Variants in EVL observed in about 807,000 individuals in gnomAD.
EVL encodes Enah/Vasp-like.
Under a neutral mutation model 59.6 loss-of-function variants are expected in EVL, and 21 were observed. The observed-to-expected ratio is 0.35, with a 90% CI of 0.25 to 0.51. The LOEUF (loss-of-function observed/expected upper bound fraction) is 0.51. Ranked by LOEUF, EVL falls within the 20% of genes least tolerant of loss-of-function variation. EVL has a pLI of 0.97. For missense variants in EVL, 462 were observed against 546.6 expected (o/e 0.85, Z 1.54); for synonymous variants, 198 against 203.5 (o/e 0.97, Z 0.23).
At position 100,135,989 on chromosome 14, in the gene EVL, G is replaced by T. The variant is rs544216162; in HGVS notation, c.964+21G>T. ...CTCAGGTGAGAGGGCGCCCCCCGCT[G>T]ACCCCAGTGAGGCATGAGGTCTCAG... is the stretch of plus-strand genomic sequence containing the variant. On this transcript the variant is annotated intron_variant, in intron 9 of 13. Coordinates refer to ENST00000392920, the MANE Select transcript of EVL (RefSeq NM_016337.3). 6.2e-6 allele frequency: 10 copies of T among 1,613,000 alleles called. No homozygotes were observed. The East Asian group carries it at 2.2e-4, about 36-fold the overall frequency.
chr14:100,128,395 T>C (rs1046291733), intron 5 of EVL, 124 bp from the exon 6 acceptor site: 5 of 939,404 alleles, frequency 5.3e-6, no homozygotes, highest in Non-Finnish European at 8.8e-6. Context: ...GGCCTGGAGC[T>C]GTTTCTCATC....
chr14:100,069,907 A>G (rs1134713), intron 1 of EVL, among the ~76,000 whole-genome samples: 1,927 of 152,132 alleles, frequency 0.013, 50 homozygotes, highest in African/African-American at 0.044. Context: ...GAGGTCTGGT[A>G]TCACTATTGC....
At chr14:100,106,804 C>T (rs1220132860) in intron 3 of EVL, 1 of 398,610 alleles carries the variant, frequency 2.5e-6, no homozygotes, top group East Asian at 3.6e-5. Flanking sequence ...GGAGATAGCA[C>T]AGTGTCTGTC....
chr14:100,137,499 G>A lies in EVL; in HGVS notation c.965-79G>A, dbSNP rs541655726. ...CCCTTGGCATGGGTGAGGGCTTCCT[G>A]TTGGGGTGTTTAGGGGATTGGGGTG... is the stretch of plus-strand genomic sequence containing the variant. On this transcript the variant is annotated intron_variant, in intron 9 of 13. Transcript: ENST00000392920. 9,840 of 1,477,278 alleles carry A rather than the reference G, an allele frequency of 6.7e-3. 46 individuals carry two copies. Among genetic ancestry groups the A allele is most frequent in the Middle Eastern group, 0.015 (85 of 5,842 alleles). The allele number at this position is 1,477,278 out of a possible 1,614,324, so 91.5% of individuals were successfully genotyped here. A position where few individuals can be genotyped will look rare whatever the true frequency, so the allele number is the denominator to read the frequency against.
intron 1 of EVL, among the ~76,000 whole-genome samples, 198 bp downstream of exon 1, chr14:100,065,709 T>A (rs1031056833): frequency 6.6e-6 from 1 of 152,284 alleles, no homozygotes; most frequent in East Asian, 1.9e-4. Flanking sequence ...CGCTGGTCTT[T>A]CCATTACACA....
rs772116907 is a variant in EVL at position 100,097,614 on chromosome 14, A to G, written c.314A>G (p.Asn105Ser). 16 of 1,613,992 alleles carry G rather than the reference A, an allele frequency of 9.9e-6. No individual in the cohort carries two copies. The highest frequency in any genetic ancestry group is 4.4e-5 in the South Asian group (4 of 91,076). Residue 105 changes from asparagine to serine, a missense_variant, in exon 3 of 14, where the codon AAT becomes AGT. Coordinates refer to ENST00000392920, the MANE Select transcript of EVL (RefSeq NM_016337.3). ...AAAGAAGAGGCAACCACGTTCTCCA[A>G]TGCAATGCTGTTTGCCCTGAACATC... ...ASKEEATTFS[N>S]AMLFALNIMN...
intron 1 of EVL, among the ~76,000 whole-genome samples, chr14:100,049,578 C>G (rs2061612614): frequency 6.6e-6 from 1 of 152,086 alleles, no homozygotes; most frequent in South Asian, 2.1e-4. Context: ...ACTTCATAAC[C>G]CAGTTGGAAG....
chr14:100,038,083 A>G (rs2061413461), intron 1 of EVL, among the ~76,000 whole-genome samples: 1 of 152,186 alleles, frequency 6.6e-6, no homozygotes, highest in Non-Finnish European at 1.5e-5. Flanking sequence ...GTGAGGGGAA[A>G]GTGTAGACTA....
At position 100,109,256 on chromosome 14, in the gene EVL, G is replaced by A. The variant is rs1249087136; in HGVS notation, c.358+11598G>A. 1.3e-5 allele frequency among the ~76,000 whole-genome samples: 2 copies of A among 152,310 alleles called. No homozygotes were observed. The highest frequency in any genetic ancestry group is 1.9e-4 in the East Asian group (1 of 5,172). ...CTTCAGTCTGTCCTCCCTGGGCTGCGTCTAAAGGGGCCCCGCCCCTGCCCT... is the reference window on the plus strand; with the variant it reads ...CTTCAGTCTGTCCTCCCTGGGCTGCATCTAAAGGGGCCCCGCCCCTGCCCT... On this transcript the variant is annotated intron_variant, in intron 3 of 13. Coordinates refer to ENST00000392920, the MANE Select transcript of EVL (RefSeq NM_016337.3). The surrounding 1 kb of genome is among the most constrained non-coding windows in gnomAD (Gnocchi z 4.3).
chr14:100,020,298 A>C (rs2061098467), intron 1 of EVL, among the ~76,000 whole-genome samples: 1 of 152,116 alleles, frequency 6.6e-6, no homozygotes, highest in African/African-American at 2.4e-5. Context: ...TCTTTTGTGA[A>C]TCTTACTCCC....
chr14:100,091,898 G>A (rs1291078366), intron 2 of EVL, among the ~76,000 whole-genome samples: 1 of 152,134 alleles, frequency 6.6e-6, no homozygotes, highest in Non-Finnish European at 1.5e-5. Flanking sequence ...GACACTTGAC[G>A]TCTACTTGAG....
chr14:100,038,680 C>A (rs1055400603), intron 1 of EVL, among the ~76,000 whole-genome samples: 3 of 152,082 alleles, frequency 2.0e-5, no homozygotes, highest in Non-Finnish European at 4.4e-5. Context: ...TCACTGATAT[C>A]CCTCAACTCT....
At chr14:99,988,879 T>C (rs972426975) in intron 1 of EVL, among the ~76,000 whole-genome samples, 3 of 152,150 alleles carry the variant, frequency 2.0e-5, no homozygotes, top group African/African-American at 7.2e-5. Flanking sequence ...AGAGACAGAA[T>C]GTAGATTAGT....
At chr14:100,124,565 G>A (rs1012449247) in intron 4 of EVL, among the ~76,000 whole-genome samples, 6 of 152,152 alleles carry the variant, frequency 3.9e-5, no homozygotes, top group Non-Finnish European at 7.3e-5. Context: ...AGCTGAAGCC[G>A]AGAATGGAAG....
intron 3 of EVL, among the ~76,000 whole-genome samples, chr14:100,105,074 A>G (rs1352198369): frequency 6.6e-6 from 1 of 151,942 alleles, no homozygotes; most frequent in Non-Finnish European, 1.5e-5. Context: ...TGCTCCATCT[A>G]CTGCCTCCTG....
At chr14:100,053,906 C>T (rs1027928257) in intron 1 of EVL, among the ~76,000 whole-genome samples, 13 of 152,208 alleles carry the variant, frequency 8.5e-5, no homozygotes, top group African/African-American at 2.9e-4. Context: ...CTCAGCCTCC[C>T]AAAGTGTTGA....
chr14:100,137,946 C>G, intron 11 of EVL, 144 bp downstream of exon 11: 2 of 783,784 alleles, frequency 2.6e-6, no homozygotes, highest in South Asian at 3.3e-5. Flanking sequence ...CTTTCAGACC[C>G]AGGACCTCGG....
intron 2 of EVL, among the ~76,000 whole-genome samples, chr14:100,091,841 G>A (rs796203564): frequency 3.3e-5 from 5 of 152,302 alleles, no homozygotes; most frequent in Middle Eastern, 3.4e-3. Context: ...CCCTCAACCC[G>A]TGGAACCTGA....
chr14:100,020,462 A>AGTGT (rs147894996), intron 1 of EVL, among the ~76,000 whole-genome samples: 1 of 149,504 alleles, frequency 6.7e-6, no homozygotes, highest in Non-Finnish European at 1.5e-5. Context: ...TATGGAAGAG[A>AGTGT]GTGTGTGTGT....
Sources: gnomAD v4.1 joint callset for allele counts (sites outside exome capture counted in the v4.1 genomes callset) on GRCh38, gnomAD v4.1.1 for gene constraint, Gnocchi (gnomAD v3.1) non-coding constraint, MANE v1.5 for transcripts, NCBI Gene and HGNC (gene_info 2026-07-23, HGNC 2026-07-21) for gene names.